SH3PXD2A: variants seen among roughly 807,000 people sequenced by gnomAD.
SH3PXD2A encodes the protein SH3 and PX domains 2A, also known as SH3 and PX domain-containing protein 2A.
Under a neutral mutation model 115.2 loss-of-function variants are expected in SH3PXD2A, and 32 were observed. That is an observed-to-expected ratio of 0.28 (90% CI 0.21 to 0.37). SH3PXD2A has a LOEUF of 0.37. Ranked by LOEUF, SH3PXD2A falls within the 10% of genes least tolerant of loss-of-function variation. The probability of loss-of-function intolerance (pLI) is 1.00; values close to 1 mark genes in which losing one functional copy is unlikely to be tolerated. For missense variants in SH3PXD2A, 1,328 were observed against 1,498.7 expected, an observed-to-expected ratio of 0.89 and a Z score of 1.88; for synonymous variants, 610 against 629.1, an observed-to-expected ratio of 0.97 and a Z score of 0.45.
chr10:103,689,236 T>C (rs1016124591), intron 6 of SH3PXD2A, among the ~76,000 whole-genome samples: 1 of 152,024 alleles, frequency 6.6e-6, no homozygotes, highest in African/African-American at 2.4e-5. Flanking sequence ...AGAGGTCTAA[T>C]AGAGAAGCAG....
chr10:103,689,827 A>G (rs2134123828), intron 6 of SH3PXD2A, among the ~76,000 whole-genome samples: 1 of 152,296 alleles, frequency 6.6e-6, no homozygotes, highest in Middle Eastern at 3.4e-3. Flanking sequence ...TCAGTTTTCA[A>G]GGTCACCAGC....
intron 8 of SH3PXD2A, among the ~76,000 whole-genome samples, chr10:103,655,496 G>A (rs1261077825): frequency 6.6e-6 from 1 of 152,126 alleles, no homozygotes; most frequent in East Asian, 1.9e-4. Context: ...ATGCAGGCTG[G>A]GCATGATGGC....
chr10:103,622,505 G>C lies in SH3PXD2A; in HGVS notation c.767C>G (p.Thr256Ser). The C allele has an allele frequency of 6.5e-7, 1 of 1,550,352 alleles. No individual in the cohort carries two copies. The highest frequency in any genetic ancestry group is 1.2e-5 in the South Asian group (1 of 84,050). ...CTGCCTGTTGACCATCCCGCCCAGG[G>C]TCCACCGGCGATCCAGGCGCCGCAG... ...AHLRRLDRRW[T>S]LGGMVNRQHS... Residue 256 changes from threonine (T) to serine (S), a missense_variant, in exon 10 of 15, where the codon ACC becomes AGC. By Grantham distance (58) the Thr-to-Ser change is moderately conservative. Around this residue, in one of 5 missense-constraint regions of SH3PXD2A, gnomAD observed 509 missense variants for 628.3 expected, o/e 0.81. Coordinates refer to ENST00000369774, the MANE Select transcript of SH3PXD2A (RefSeq NM_001394015.1).
intron 5 of SH3PXD2A, among the ~76,000 whole-genome samples, chr10:103,706,019 A>G (rs2037976754): frequency 6.6e-6 from 1 of 151,172 alleles, no homozygotes; most frequent in East Asian, 1.9e-4. Context: ...AAAAAAAAAA[A>G]GAAAGAAAGA....
intron 1 of SH3PXD2A, among the ~76,000 whole-genome samples, chr10:103,843,619 C>T (rs1842806891): frequency 6.6e-6 from 1 of 152,218 alleles, no homozygotes; most frequent in Non-Finnish European, 1.5e-5. Context: ...CCGCTCCAAC[C>T]ACATCATGTT....
chr10:103,611,195 T>G (rs1201360143), intron 13 of SH3PXD2A, among the ~76,000 whole-genome samples: 1 of 152,202 alleles, frequency 6.6e-6, no homozygotes, highest in East Asian at 1.9e-4. Flanking sequence ...CCACCTCCAC[T>G]GGGCATTCCT....
In SH3PXD2A at chr10:103,805,996, C is replaced by T. The variant is rs571568622; in HGVS notation, c.73-4634G>A. Among the ~76,000 whole-genome samples the T allele has an allele frequency of 3.3e-5, 5 of 152,354 alleles. No individual in the cohort carries two copies. In the East Asian group the frequency reaches 7.7e-4, roughly 24 times the overall value. On this transcript the variant is annotated intron_variant, in intron 1 of 14. Coordinates refer to ENST00000369774, the MANE Select transcript of SH3PXD2A (RefSeq NM_001394015.1). Reference sequence around the variant, plus strand: ...CAGAGAGCTGTCCTTGTGGCCCTTGCCGGCCACAGCCACCCGGCTAGGATA... The same window carrying T: ...CAGAGAGCTGTCCTTGTGGCCCTTGTCGGCCACAGCCACCCGGCTAGGATA...
chr10:103,827,825 G>A (rs151002907), intron 1 of SH3PXD2A, among the ~76,000 whole-genome samples: 29 of 152,246 alleles, frequency 1.9e-4, no homozygotes, highest in Non-Finnish European at 3.2e-4. Context: ...TTTGAATTCC[G>A]GCTCTGCCAC....
At chr10:103,709,364 C>A (rs1406078083) in intron 5 of SH3PXD2A, among the ~76,000 whole-genome samples, 1 of 152,204 alleles carries the variant, frequency 6.6e-6, no homozygotes, top group Non-Finnish European at 1.5e-5. Context: ...ACTGCACAAC[C>A]TGCAAAGGCT....
At chr10:103,693,107 C>CGGGGCT (rs1311722542) in intron 5 of SH3PXD2A, 51 bp from the exon 6 acceptor site, 1 of 1,571,248 alleles carries the variant, frequency 6.4e-7, no homozygotes. Context: ...GGCGCGAGCG[C>CGGGGCT]GGGGCTGCAG....
At chr10:103,821,417 C>A (rs2039378597) in intron 1 of SH3PXD2A, among the ~76,000 whole-genome samples, 1 of 152,214 alleles carries the variant, frequency 6.6e-6, no homozygotes, top group South Asian at 2.1e-4. Context: ...GCGTGAGCCA[C>A]CACACCTGGC....
intron 3 of SH3PXD2A, among the ~76,000 whole-genome samples, chr10:103,763,029 T>A (rs1476100256): frequency 6.6e-6 from 1 of 152,078 alleles, no homozygotes; most frequent in Non-Finnish European, 1.5e-5. Flanking sequence ...CACTCACCAC[T>A]TTTCAAATCT....
chr10:103,612,772 A>AC, intron 12 of SH3PXD2A, 81 bp downstream of exon 12: 2 of 973,392 alleles, frequency 2.1e-6, no homozygotes, highest in Non-Finnish European at 3.0e-6. Context: ...GGTCCTGTGC[A>AC]CCCCCCTGGC....
At chr10:103,738,942 G>A (rs1266329489) in intron 3 of SH3PXD2A, among the ~76,000 whole-genome samples, 1 of 151,746 alleles carries the variant, frequency 6.6e-6, no homozygotes, top group Non-Finnish European at 1.5e-5. Context: ...TTACAGGCAT[G>A]TGCCACCACA....
chr10:103,693,094 C>A (rs199557346), intron 5 of SH3PXD2A, 38 bp from the exon 6 acceptor site: 1 of 1,605,338 alleles, frequency 6.2e-7, no homozygotes, highest in East Asian at 2.3e-5. Context: ...ATGGTTAGGG[C>A]CGGGCGCGAG....
chr10:103,647,414 G>C (rs962523796), intron 8 of SH3PXD2A, among the ~76,000 whole-genome samples: 2 of 152,182 alleles, frequency 1.3e-5, no homozygotes, highest in African/African-American at 4.8e-5. Context: ...GGAGTGGAGA[G>C]ACCAGGGTGT....
intron 9 of SH3PXD2A, among the ~76,000 whole-genome samples, chr10:103,625,695 C>T (rs952669558): frequency 6.6e-6 from 1 of 152,196 alleles, no homozygotes; most frequent in African/African-American, 2.4e-5. Context: ...AGTTCAAGAC[C>T]AGCCTGACCA....
intron 2 of SH3PXD2A, among the ~76,000 whole-genome samples, chr10:103,780,078 C>G (rs1406193249): frequency 6.6e-6 from 1 of 152,228 alleles, no homozygotes; most frequent in Non-Finnish European, 1.5e-5. Flanking sequence ...CTGGCCACTA[C>G]GGGATCAAAT....
At chr10:103,697,023 T>C (rs2037833137) in intron 5 of SH3PXD2A, among the ~76,000 whole-genome samples, 1 of 151,438 alleles carries the variant, frequency 6.6e-6, no homozygotes, top group Non-Finnish European at 1.5e-5. Flanking sequence ...CCCCGCCCCA[T>C]CCCCGGGTGA....
Sources: gnomAD v4.1 joint callset for allele counts (sites outside exome capture counted in the v4.1 genomes callset) on GRCh38, gnomAD v4.1.1 for gene constraint, gnomAD v4.1.1 regional missense constraint, MANE v1.5 for transcripts, NCBI Gene and HGNC (gene_info 2026-07-23, HGNC 2026-07-21) for gene names.